Variants in ANO1 observed in about 807,000 individuals in gnomAD.
ANO1 encodes the protein anoctamin 1, also known as anoctamin-1.
ANO1 carries 59 observed loss-of-function variants against 124.0 expected under a neutral mutation model. The ratio of observed to expected loss-of-function variants is 0.48; its 90% confidence interval spans 0.39 to 0.59. The LOEUF (loss-of-function observed/expected upper bound fraction) is 0.59. Among genes scored for constraint, ANO1 ranks in the 20% least tolerant of loss-of-function variants. ANO1 has a pLI of 0.00. For missense variants in ANO1, 1,059 were observed against 1,328.0 expected (o/e 0.80, Z 3.15); for synonymous variants, 529 against 532.0 (o/e 0.99, Z 0.08).
chr11:70,103,305 G>A, intron 3 of ANO1, 141 bp downstream of exon 3: 1 of 679,340 alleles, frequency 1.5e-6, no homozygotes, highest in Non-Finnish European at 2.5e-6. Context: ...CCCCTGCAAA[G>A]ACCATGTGGC....
chr11:70,023,312 G>A (rs544719083), intron 1 of ANO1, among the ~76,000 whole-genome samples: 7 of 152,184 alleles, frequency 4.6e-5, no homozygotes, highest in Non-Finnish European at 8.8e-5. Flanking sequence ...TTTAGCAGGA[G>A]CATGGCCATG....
At chr11:70,167,934 G>A (rs149258071) in intron 21 of ANO1, among the ~76,000 whole-genome samples, 7 of 152,262 alleles carry the variant, frequency 4.6e-5, no homozygotes, top group African/African-American at 1.4e-4. Context: ...TCCTGGTGGT[G>A]AGCTCCTGAG....
intron 1 of ANO1, among the ~76,000 whole-genome samples, chr11:70,017,206 G>A (rs1466257411): frequency 6.6e-6 from 1 of 152,168 alleles, no homozygotes; most frequent in Non-Finnish European, 1.5e-5. Context: ...AAGGCCAGAC[G>A]CCCTAATAAT....
chr11:70,007,282 T>C (rs1555000248), intron 1 of ANO1, among the ~76,000 whole-genome samples: 1 of 150,624 alleles, frequency 6.6e-6, no homozygotes, highest in Non-Finnish European at 1.5e-5. Context: ...TCTTTTTTTT[T>C]TTTTTTTTTC....
intron 1 of ANO1, among the ~76,000 whole-genome samples, chr11:70,021,966 C>T (rs1330783441): frequency 6.6e-6 from 1 of 152,170 alleles, no homozygotes; most frequent in African/African-American, 2.4e-5. Context: ...GCAGACGAAA[C>T]CAAGCATAAG....
chr11:70,079,502 GA>G (rs888293390), intron 1 of ANO1, among the ~76,000 whole-genome samples: 22 of 152,082 alleles, frequency 1.4e-4, no homozygotes, highest in African/African-American at 4.8e-4. Flanking sequence ...ATGTTTTAGA[GA>G]GGGGGGCAGA....
At chr11:69,970,150 G>A in the ANO1 span, among the ~76,000 whole-genome samples, 1 of 152,216 alleles carries the variant, frequency 6.6e-6, no homozygotes, top group African/African-American at 2.4e-5. Flanking sequence ...AACAGGAAGA[G>A]AGGAAGGGGA....
At chr11:70,149,565 C>T (rs953622070) in intron 11 of ANO1, 145 bp from the exon 12 acceptor site, 19 of 745,632 alleles carry the variant, frequency 2.5e-5, no homozygotes, top group Middle Eastern at 7.6e-4. Context: ...GAAGGAGAAT[C>T]GCTTGAACCC....
At chr11:70,152,529 G>A in intron 13 of ANO1, 68 bp downstream of exon 13, 1 of 1,549,060 alleles carries the variant, frequency 6.5e-7, no homozygotes, top group Admixed American at 1.7e-5. Context: ...ACCTTCTCTT[G>A]CACCTAATCT....
intron 1 of ANO1, among the ~76,000 whole-genome samples, chr11:70,042,513 C>CAG (rs140488432): frequency 0.039 from 5,794 of 148,440 alleles, 288 homozygotes; most frequent in African/African-American, 0.12. Context: ...TACATATACA[C>CAG]AGAGAGAGAG....
chr11:70,173,816 C>T lies in ANO1; in HGVS notation c.2350+2777C>T, dbSNP rs529365003. ...CTGTAATCCCAGCACTTTGGGAGGC[C>T]GACGCAGGTGGATCACCTGAGGTCA... On this transcript the variant is annotated intron_variant, in intron 22 of 25. Coordinates refer to ENST00000355303, the MANE Select transcript of ANO1 (RefSeq NM_018043.7). Among the ~76,000 whole-genome samples the T allele has an allele frequency of 2.0e-5, 3 of 152,156 alleles. No individual in the cohort carries two copies. The South Asian group carries it at 6.2e-4, about 32-fold the overall frequency.
intron 1 of ANO1, among the ~76,000 whole-genome samples, chr11:70,042,091 C>G (rs1043946241): frequency 6.7e-6 from 1 of 148,308 alleles, no homozygotes. Context: ...GCTCGATGGT[C>G]GTAAGAACAC....
chr11:70,112,623 T>A (rs1314240583), intron 7 of ANO1, among the ~76,000 whole-genome samples: 1 of 150,528 alleles, frequency 6.6e-6, no homozygotes, highest in Non-Finnish European at 1.5e-5. Context: ...AATGGCATGA[T>A]CTCGGCTCAC....
At chr11:70,047,134 C>G (rs1857274395) in intron 1 of ANO1, among the ~76,000 whole-genome samples, 1 of 145,916 alleles carries the variant, frequency 6.9e-6, no homozygotes, top group Non-Finnish European at 1.5e-5. Context: ...TAAGTAAAAA[C>G]TAAGAAAATC....
chr11:70,169,922 G>A (rs1011063435), intron 21 of ANO1: 6 of 301,520 alleles, frequency 2.0e-5, no homozygotes, highest in African/African-American at 4.4e-5. Flanking sequence ...TGCAGTTCCC[G>A]AACCAGCTTT....
intron 1 of ANO1, among the ~76,000 whole-genome samples, chr11:70,057,221 G>A (rs200858712): frequency 3.9e-5 from 6 of 152,158 alleles, no homozygotes; most frequent in Non-Finnish European, 5.9e-5. Flanking sequence ...TGGACAATGC[G>A]GAGGCTCCAG....
At chr11:70,106,697 G>A (rs763239879) in intron 5 of ANO1, among the ~76,000 whole-genome samples, 4 of 152,234 alleles carry the variant, frequency 2.6e-5, no homozygotes, top group Non-Finnish European at 5.9e-5. Flanking sequence ...TTTGGCCTTG[G>A]TTAGTCAGGC....
At chr11:70,015,588 C>T (rs1163702782) in intron 1 of ANO1, 2 of 152,536 alleles carry the variant, frequency 1.3e-5, no homozygotes, top group East Asian at 3.8e-4. Flanking sequence ...CTGATACGGG[C>T]TCCTGCTGGT....
At chr11:70,078,879 G>T (rs1348781216) in intron 1 of ANO1, among the ~76,000 whole-genome samples, 165 bp downstream of exon 1, 2 of 150,974 alleles carry the variant, frequency 1.3e-5, no homozygotes, top group African/African-American at 4.8e-5. Flanking sequence ...CGGGAAGGGC[G>T]CGCCGGCCCT....
Sources: allele counts gnomAD v4.1 joint callset (sites outside exome capture counted in the v4.1 genomes callset), GRCh38; gene constraint gnomAD v4.1.1; transcripts MANE v1.5; gene names NCBI Gene and HGNC (gene_info 2026-07-23, HGNC 2026-07-21).